Variants in PDE1C observed in about 807,000 individuals in gnomAD.
The protein encoded by PDE1C is phosphodiesterase 1C.
In PDE1C, 62 loss-of-function variants were observed where a neutral mutation model predicts 93.1. The observed-to-expected ratio is 0.67, with a 90% CI of 0.54 to 0.82. The LOEUF (loss-of-function observed/expected upper bound fraction) is 0.82, where lower values mean the gene tolerates loss of function less well. Among genes scored for constraint, PDE1C ranks in the 40% least tolerant of loss-of-function variants. The pLI, the probability that PDE1C is intolerant of heterozygous loss-of-function variation, is 0.00. For missense variants in PDE1C, 742 were observed against 884.6 expected (o/e 0.84, Z 2.04); for synonymous variants, 325 against 310.1 (o/e 1.05, Z -0.50).
intron 1 of PDE1C, among the ~76,000 whole-genome samples, chr7:32,312,203 G>C (rs1471576425): frequency 3.3e-5 from 5 of 152,220 alleles, no homozygotes; most frequent in Non-Finnish European, 4.4e-5. Context: ...TACAAGGGAT[G>C]TGAAAGACCT....
chr7:31,692,134 AAT>A, the PDE1C span, among the ~76,000 whole-genome samples: 5 of 152,162 alleles, frequency 3.3e-5, no homozygotes, highest in African/African-American at 1.2e-4. Flanking sequence ...TGAAACTCTC[AAT>A]GTGTCTCTGA....
At chr7:32,041,324 T>C (rs1219587699) in intron 2 of PDE1C, among the ~76,000 whole-genome samples, 1 of 152,152 alleles carries the variant, frequency 6.6e-6, no homozygotes, top group Non-Finnish European at 1.5e-5. Flanking sequence ...AACCCTATAC[T>C]CTTCCAATTT....
chr7:31,642,312 C>T, the PDE1C span: 1 of 1,217,766 alleles, frequency 8.2e-7, no homozygotes. Flanking sequence ...CCCACTTCAG[C>T]CCTATCAACC....
intron 13 of PDE1C, among the ~76,000 whole-genome samples, chr7:31,824,122 A>C (rs1400529317): frequency 6.6e-6 from 1 of 151,856 alleles, no homozygotes; most frequent in Non-Finnish European, 1.5e-5. Context: ...TTTCCTATTC[A>C]TTCCACTTCT....
the PDE1C span, among the ~76,000 whole-genome samples, chr7:31,715,191 ATTG>A: frequency 6.2e-4 from 95 of 152,260 alleles, no homozygotes; most frequent in South Asian, 2.3e-3. Context: ...ATGTATTATT[ATTG>A]TTATTATTGT....
At chr7:32,140,788 T>G (rs1017997307) in intron 3 of PDE1C, among the ~76,000 whole-genome samples, 7 of 152,208 alleles carry the variant, frequency 4.6e-5, no homozygotes, top group African/African-American at 1.7e-4. Flanking sequence ...TGCCTCAGCG[T>G]GCCCACTCGA....
the PDE1C span, among the ~76,000 whole-genome samples, chr7:31,724,848 T>C: frequency 1.3e-5 from 2 of 152,196 alleles, no homozygotes; most frequent in Non-Finnish European, 2.9e-5. Flanking sequence ...TGCAAAACTG[T>C]TTTGGGACCG....
chr7:32,039,889 C>G (rs962990364), intron 2 of PDE1C, among the ~76,000 whole-genome samples: 1 of 152,266 alleles, frequency 6.6e-6, no homozygotes, highest in Non-Finnish European at 1.5e-5. Context: ...TGATTTTGTG[C>G]TTTTCAGGAC....
At chr7:32,060,423 T>G (rs1188728860) in intron 1 of PDE1C, among the ~76,000 whole-genome samples, 1 of 152,128 alleles carries the variant, frequency 6.6e-6, no homozygotes, top group Non-Finnish European at 1.5e-5. Flanking sequence ...GGAGCATGAG[T>G]CCTTCCTATT....
chr7:32,057,285 C>A (rs1794248300), intron 1 of PDE1C, among the ~76,000 whole-genome samples: 1 of 152,184 alleles, frequency 6.6e-6, no homozygotes, highest in South Asian at 2.1e-4. Flanking sequence ...AACCCATACT[C>A]ATTTAGCTCT....
the PDE1C span, chr7:31,707,297 G>C: frequency 1.9e-6 from 3 of 1,605,724 alleles, no homozygotes; most frequent in Non-Finnish European, 2.6e-6. Context: ...TAGTTCCCCT[G>C]AGACCACTTG....
At chr7:31,768,170 G>A (rs1247886668) in intron 17 of PDE1C, among the ~76,000 whole-genome samples, 1 of 152,164 alleles carries the variant, frequency 6.6e-6, no homozygotes, top group Non-Finnish European at 1.5e-5. Flanking sequence ...CCATCAGCAG[G>A]TGCATGACTG....
the PDE1C span, among the ~76,000 whole-genome samples, chr7:31,715,679 C>T: frequency 6.6e-6 from 1 of 152,224 alleles, no homozygotes; most frequent in South Asian, 2.1e-4. Context: ...GTAGATGTAA[C>T]TTTCATTCTT....
intron 3 of PDE1C, among the ~76,000 whole-genome samples, chr7:32,126,722 G>C (rs1034741772): frequency 6.6e-6 from 1 of 152,038 alleles, no homozygotes; most frequent in South Asian, 2.1e-4. Flanking sequence ...TGAAATAATA[G>C]GGATAAACTA....
intron 1 of PDE1C, among the ~76,000 whole-genome samples, chr7:32,380,464 T>C (rs1358391271): frequency 6.7e-6 from 1 of 148,958 alleles, no homozygotes; most frequent in African/African-American, 2.5e-5. Context: ...GCCAGGCTGG[T>C]CTCAAACTCC....
intron 2 of PDE1C, among the ~76,000 whole-genome samples, chr7:32,015,385 CTGACA>C (rs1312294629): frequency 1.3e-5 from 2 of 151,958 alleles, no homozygotes; most frequent in East Asian, 3.9e-4. Context: ...GGCCTCACTA[CTGACA>C]TTGTTAACGC....
intron 2 of PDE1C, among the ~76,000 whole-genome samples, chr7:32,048,568 G>A (rs774157969): frequency 2.0e-5 from 3 of 152,052 alleles, no homozygotes; most frequent in African/African-American, 4.8e-5. Flanking sequence ...GACTCCTAAC[G>A]TGAGCAAAGA....
rs1373826888 is a variant in PDE1C at position 32,005,437 on chromosome 7, TC to T, written c.128+46116del. On this transcript the variant is annotated intron_variant, in intron 2 of 17. Coordinates refer to ENST00000396191, the MANE Select transcript of PDE1C (RefSeq NM_001191057.4). ...TGGGTGTTGTGGTGGGTGCCTGTAG[TC>T]CCAGCTACTCAGGAGGCTGAGGCAG... Among the ~76,000 whole-genome samples the T allele has an allele frequency of 4.0e-5, 6 of 150,928 alleles. No individual in the cohort carries two copies. The East Asian group carries it at 7.9e-4, about 20-fold the overall frequency.
intron 2 of PDE1C, among the ~76,000 whole-genome samples, chr7:31,932,747 C>T (rs912755439): frequency 1.5e-4 from 23 of 151,658 alleles, no homozygotes; most frequent in African/African-American, 5.6e-4. Flanking sequence ...GTCATTCTAC[C>T]ATAAAGACAC....
Sources: allele counts gnomAD v4.1 joint callset (sites outside exome capture counted in the v4.1 genomes callset), GRCh38; gene constraint gnomAD v4.1.1; transcripts MANE v1.5; gene names NCBI Gene and HGNC (gene_info 2026-07-23, HGNC 2026-07-21).